The following TUBGCP4 variants were observed in gnomAD, a reference collection of about 807,000 sequenced individuals.
The protein encoded by TUBGCP4 is tubulin gamma complex component 4.
In TUBGCP4, 54 loss-of-function variants were observed where a neutral mutation model predicts 91.6. The ratio of observed to expected loss-of-function variants is 0.59; its 90% CI spans 0.47 to 0.74. The LOEUF (loss-of-function observed/expected upper bound fraction) is 0.74, where lower values mean the gene tolerates loss of function less well. TUBGCP4 is among the 30% of genes least tolerant of loss of function. The pLI is 0.00. For missense variants in TUBGCP4, 593 were observed against 800.9 expected (o/e 0.74, Z 3.13); for synonymous variants, 297 against 302.8 (o/e 0.98, Z 0.20).
At chr15:43,386,377 A>ATTT (rs748820688) in intron 9 of TUBGCP4, 47 bp downstream of exon 9, 449 of 19,134 alleles carry the variant, frequency 0.023, 66 homozygotes, top group Non-Finnish European at 0.029. Flanking sequence ...ATATATATAT[A>ATTT]TTTTTTTTTT....
chr15:43,377,540 G>A, intron 4 of TUBGCP4: 1 of 326,778 alleles, frequency 3.1e-6, no homozygotes, highest in Non-Finnish European at 5.5e-6. Flanking sequence ...CTGAATCCAG[G>A]GGTGGAGGTT....
intron 1 of TUBGCP4, among the ~76,000 whole-genome samples, chr15:43,372,196 C>A (rs1328711268): frequency 6.6e-6 from 1 of 152,096 alleles, no homozygotes; most frequent in Admixed American, 6.5e-5. Flanking sequence ...TACCAGTTAA[C>A]AAATGAGCAA....
chr15:43,395,069 A>G, intron 9 of TUBGCP4, 38 bp from the exon 10 acceptor site: 1 of 1,610,300 alleles, frequency 6.2e-7, no homozygotes, highest in Non-Finnish European at 8.5e-7. Context: ...TTCTCACTGT[A>G]ATGAAATTTG....
intron 6 of TUBGCP4, among the ~76,000 whole-genome samples, chr15:43,381,097 G>A (rs907945396): frequency 5.3e-5 from 8 of 151,842 alleles, no homozygotes; most frequent in Non-Finnish European, 1.2e-4. Context: ...GTGAGCCACC[G>A]CACCCGGCCA....
At chr15:43,396,955 C>T (rs2044591246) in intron 11 of TUBGCP4, among the ~76,000 whole-genome samples, 1 of 152,154 alleles carries the variant, frequency 6.6e-6, no homozygotes, top group South Asian at 2.1e-4. Context: ...CCCAGCTACC[C>T]CTAGAATCAG....
chr15:43,380,357 G>A (rs2044269209), intron 6 of TUBGCP4, among the ~76,000 whole-genome samples, 194 bp downstream of exon 6: 1 of 152,240 alleles, frequency 6.6e-6, no homozygotes, highest in African/African-American at 2.4e-5. Context: ...GGGCTATAGA[G>A]TGTTGAGTGA....
At chr15:43,382,708 CA>C (rs1034998449) in intron 6 of TUBGCP4, among the ~76,000 whole-genome samples, 2 of 152,300 alleles carry the variant, frequency 1.3e-5, no homozygotes, top group African/African-American at 4.8e-5. Context: ...GTGTTTTCAT[CA>C]CGTCCTGCTC....
At chr15:43,383,606 C>T in intron 7 of TUBGCP4, 102 bp downstream of exon 7, 2 of 948,892 alleles carry the variant, frequency 2.1e-6, no homozygotes, top group South Asian at 2.1e-5. Context: ...TAGCTGAGCA[C>T]CTTCCATCAA....
In TUBGCP4 at chr15:43,376,619, A is replaced by G. The variant is rs376318273; in HGVS notation, c.324A>G (p.Glu108=). ...QPYRQALLDL[E]QEFLGDPHLS... is the part of the protein sequence containing the mutation. ...ATCGCCAAGCACTGCTTGATTTGGA[A>G]CAAGAGGTAAGAAGGAGGAGATATA... The change falls in exon 3 of 18, where the codon GAA becomes GAG. Residue 108 remains glutamate (E), a synonymous_variant. Transcript: ENST00000564079. 5.6e-6 allele frequency: 9 copies of G among 1,614,028 alleles called. No homozygotes were observed. Among genetic ancestry groups the G allele is most frequent in the Non-Finnish European group, 7.6e-6 (9 of 1,180,022 alleles).
chr15:43,375,102 C>T (rs917931472), intron 1 of TUBGCP4, among the ~76,000 whole-genome samples: 1 of 152,226 alleles, frequency 6.6e-6, no homozygotes, highest in East Asian at 1.9e-4. Context: ...AGGGTTTCAT[C>T]ATGTTGGCCA....
rs754334940 is a variant in TUBGCP4, at chr15:43,407,538, TCAC to T, written c.*2331_*2333del. 6.2e-7 allele frequency: 1 copy of T among 1,614,066 alleles called. No individual in the cohort carries two copies. The highest frequency in any genetic ancestry group is 8.5e-7 in the Non-Finnish European group (1 of 1,179,988). ...ACCGAGGCTGGGCATGAGGGGTCCGTCACCACCACATCAAATACCCCTAAAGCA... is the reference window on the plus strand; with the variant it reads ...ACCGAGGCTGGGCATGAGGGGTCCGTCACCACATCAAATACCCCTAAAGCA... On this transcript the variant is annotated 3_prime_UTR_variant, in exon 18 of 18. Coordinates refer to ENST00000564079, the MANE Select transcript of TUBGCP4 (RefSeq NM_014444.5).
At chr15:43,376,748 G>C in intron 3 of TUBGCP4, 123 bp downstream of exon 3, 1 of 1,370,818 alleles carries the variant, frequency 7.3e-7, no homozygotes, top group Non-Finnish European at 1.0e-6. Context: ...ATGGCTGGAA[G>C]GTACAGTGTT....
chr15:43,389,320 A>G (rs1201118684), intron 9 of TUBGCP4, among the ~76,000 whole-genome samples: 1 of 152,194 alleles, frequency 6.6e-6, no homozygotes, highest in African/African-American at 2.4e-5. Context: ...TTTTAGTTGT[A>G]ATAGTCTGAT....
intron 1 of TUBGCP4, 30 bp from the exon 2 acceptor site, chr15:43,376,068 G>T (rs2044199267): frequency 2.5e-6 from 4 of 1,607,110 alleles, no homozygotes; most frequent in African/African-American, 1.3e-5. Flanking sequence ...GCGACTGGCG[G>T]TGTTTTCGGC....
In TUBGCP4 at chr15:43,405,346, G is replaced by C; in HGVS notation, c.*132G>C. 7 of 1,032,650 alleles carry C rather than the reference G, an allele frequency of 6.8e-6. No homozygotes were observed. The highest frequency in any genetic ancestry group is 1.0e-5 in the Non-Finnish European group (7 of 683,240). The allele number at this position is 1,032,650 out of a possible 1,614,324, so 64.0% of individuals were successfully genotyped here. ...TGATAGGACTCTACCTTTTCTCCTA[G>C]AAGCAGTTACTGAACATCCAGGAGT... On this transcript the variant is annotated 3_prime_UTR_variant, in exon 18 of 18. Transcript: ENST00000564079.
chr15:43,393,683 G>C lies in TUBGCP4; in HGVS notation c.1015-1424G>C, dbSNP rs996529616. On this transcript the variant is annotated intron_variant, in intron 9 of 17. Transcript: ENST00000564079. ...CATTGTTCAATTCCCACCTATGAGT[G>C]AGAACATGCGGTGTTTGGTTTTTTG... 3.9e-5 allele frequency among the ~76,000 whole-genome samples: 6 copies of C among 152,130 alleles called. No homozygotes were observed. In the South Asian group the frequency reaches 8.3e-4, roughly 21 times the overall value.
intron 15 of TUBGCP4, chr15:43,402,133 A>T: frequency 3.7e-6 from 1 of 267,668 alleles, no homozygotes; most frequent in East Asian, 9.3e-5. Context: ...AAAAAAAAAT[A>T]ATAGGTGTGG....
chr15:43,408,133 C>A lies in TUBGCP4; in HGVS notation c.*2919C>A. 6.3e-7 allele frequency: 1 copy of A among 1,586,508 alleles called. No homozygotes were observed. Among genetic ancestry groups the A allele is most frequent in the Non-Finnish European group, 8.6e-7 (1 of 1,164,106 alleles). ...GGACCTTAGCATGACAAGTAATATC[C>A]AACAAACTGCCTTTCTGCAAAGGGA... On this transcript the variant is annotated 3_prime_UTR_variant, in exon 18 of 18. Coordinates refer to ENST00000564079, the MANE Select transcript of TUBGCP4 (RefSeq NM_014444.5).
At chr15:43,375,701 A>G (rs1204189565) in intron 1 of TUBGCP4, among the ~76,000 whole-genome samples, 2 of 152,170 alleles carry the variant, frequency 1.3e-5, no homozygotes, top group Non-Finnish European at 2.9e-5. Flanking sequence ...TGAGAAACCC[A>G]TGGAGTCTGC....
Sources: gnomAD v4.1 joint callset for allele counts (sites outside exome capture counted in the v4.1 genomes callset) on GRCh38, gnomAD v4.1.1 for gene constraint, MANE v1.5 for transcripts, NCBI Gene and HGNC (gene_info 2026-07-23, HGNC 2026-07-21) for gene names.